Variants in CTNNA3 observed in about 807,000 individuals in gnomAD.
CTNNA3 encodes catenin alpha 3.
CTNNA3 carries 76 observed loss-of-function variants against 95.7 expected under a neutral mutation model. The observed-to-expected ratio is 0.79, with a 90% CI of 0.66 to 0.96. The LOEUF (loss-of-function observed/expected upper bound fraction) is 0.96, where lower values mean the gene tolerates loss of function less well. CTNNA3 is among the 40% of genes least tolerant of loss of function. CTNNA3 has a pLI of 0.00. For synonymous variants in CTNNA3, 431 were observed against 374.4 expected (o/e 1.15, Z -1.74); for missense variants, 1,191 against 1,089.8 (o/e 1.09, Z -1.31).
intron 1 of CTNNA3, among the ~76,000 whole-genome samples, chr10:67,746,918 G>A (rs1485862253): frequency 6.6e-6 from 1 of 152,230 alleles, no homozygotes; most frequent in Non-Finnish European, 1.5e-5. Context: ...CACTGCAGCT[G>A]CAGAGCACCA....
chr10:65,946,216 G>T (rs1038796139), intron 17 of CTNNA3, among the ~76,000 whole-genome samples: 4 of 152,016 alleles, frequency 2.6e-5, no homozygotes, highest in Non-Finnish European at 4.4e-5. Flanking sequence ...TAAATATTTA[G>T]AACAGTGCCT....
chr10:66,363,106 T>C (rs2092688236), intron 12 of CTNNA3, among the ~76,000 whole-genome samples: 2 of 152,232 alleles, frequency 1.3e-5, no homozygotes, highest in Non-Finnish European at 2.9e-5. Context: ...AACAACAGAA[T>C]GAAGCTGCTA....
chr10:67,362,143 A>G (rs1194105966), intron 5 of CTNNA3, among the ~76,000 whole-genome samples: 1 of 152,142 alleles, frequency 6.6e-6, no homozygotes, highest in Non-Finnish European at 1.5e-5. Context: ...CTACCAACCA[A>G]TAAAAGCCCT....
rs779981893 is a variant in CTNNA3, at chr10:65,920,540, G to A, written c.2478C>T (p.Tyr826=). 43 of 1,614,042 alleles carry A rather than the reference G, an allele frequency of 2.7e-5. No individual in the cohort carries two copies. In the Middle Eastern group the frequency reaches 4.9e-4, roughly 19 times the overall value. The part of the protein sequence containing the change: ...NAVVQTVKMS[Y]IASTKIIRIQ... Reference sequence around the variant, plus strand: ...TTCGGATGATCTTGGTTGAGGCAATGTAAGACATTTTCACTGTTTGCACTA... The same window carrying A: ...TTCGGATGATCTTGGTTGAGGCAATATAAGACATTTTCACTGTTTGCACTA... Residue 826 remains tyrosine, a synonymous_variant, in exon 18 of 18, where the codon TAC becomes TAT. Coordinates refer to ENST00000433211, the MANE Select transcript of CTNNA3 (RefSeq NM_013266.4).
rs555002632 is a variant in CTNNA3, at chr10:67,644,581, C to A, written c.99+2834G>T. On this transcript the variant is annotated intron_variant, in intron 2 of 17. Transcript: ENST00000433211. Reference sequence around the variant, plus strand: ...GATCAAAGTGACAGATACAAGAAGGCTGAACATCAAATCCAGAAAGATCAG... The same window carrying A: ...GATCAAAGTGACAGATACAAGAAGGATGAACATCAAATCCAGAAAGATCAG... 4.0e-4 allele frequency among the ~76,000 whole-genome samples: 61 copies of A among 151,760 alleles called. 2 individuals carry two copies. In the South Asian group the frequency reaches 0.012, roughly 29 times the overall value.
At chr10:66,229,417 T>C (rs1268426124) in intron 13 of CTNNA3, among the ~76,000 whole-genome samples, 1 of 152,202 alleles carries the variant, frequency 6.6e-6, no homozygotes, top group Non-Finnish European at 1.5e-5. Context: ...CTCGTGGTGA[T>C]GAATTTTCTT....
chr10:66,921,224 A>G (rs1846769581), intron 7 of CTNNA3, among the ~76,000 whole-genome samples: 1 of 152,110 alleles, frequency 6.6e-6, no homozygotes, highest in African/African-American at 2.4e-5. Context: ...TTTTATCCTT[A>G]TAATCCCACT....
intron 7 of CTNNA3, among the ~76,000 whole-genome samples, chr10:66,924,147 G>A (rs1274527511): frequency 6.6e-6 from 1 of 152,168 alleles, no homozygotes; most frequent in East Asian, 1.9e-4. Context: ...GGATTGGGCA[G>A]TCTATCTTTT....
intron 5 of CTNNA3, among the ~76,000 whole-genome samples, chr10:67,399,281 T>C (rs1589253485): frequency 2.0e-5 from 3 of 152,178 alleles, no homozygotes; most frequent in African/African-American, 7.2e-5. Flanking sequence ...AACGAATTTG[T>C]TAGAGTGACA....
chr10:67,503,618 G>A (rs993571003), intron 5 of CTNNA3, among the ~76,000 whole-genome samples: 1 of 152,074 alleles, frequency 6.6e-6, no homozygotes. Flanking sequence ...TACTATAAGA[G>A]CTTGATCTTA....
intron 7 of CTNNA3, among the ~76,000 whole-genome samples, chr10:67,064,886 T>C (rs1855977394): frequency 1.3e-5 from 2 of 152,204 alleles, no homozygotes; most frequent in Admixed American, 1.3e-4. Flanking sequence ...CAGGTACCTT[T>C]AAGCTAGTTC....
At chr10:67,274,081 T>C (rs906438836) in intron 5 of CTNNA3, among the ~76,000 whole-genome samples, 1 of 152,164 alleles carries the variant, frequency 6.6e-6, no homozygotes, top group Middle Eastern at 3.2e-3. Context: ...GGAAAATAAC[T>C]ATAAATTAAA....
intron 7 of CTNNA3, among the ~76,000 whole-genome samples, chr10:66,781,894 T>C (rs1840549933): frequency 6.6e-6 from 1 of 152,180 alleles, no homozygotes; most frequent in African/African-American, 2.4e-5. Flanking sequence ...TAAATTTAAA[T>C]GTCCTGCCTC....
At chr10:66,746,930 C>T (rs72802605) in intron 9 of CTNNA3, among the ~76,000 whole-genome samples, 14,395 of 151,516 alleles carry the variant, frequency 0.095, 856 homozygotes, top group East Asian at 0.23. Flanking sequence ...CATGGAACTG[C>T]GATTAGTAAT....
At chr10:67,293,086 T>C (rs999587150) in intron 5 of CTNNA3, among the ~76,000 whole-genome samples, 4 of 152,186 alleles carry the variant, frequency 2.6e-5, no homozygotes, top group Non-Finnish European at 5.9e-5. Context: ...AAAGAAGTTA[T>C]AAATACTACC....
intron 13 of CTNNA3, among the ~76,000 whole-genome samples, chr10:66,144,358 T>G (rs2083766192): frequency 6.6e-6 from 1 of 152,216 alleles, no homozygotes; most frequent in African/African-American, 2.4e-5. Flanking sequence ...TTTTATCTTT[T>G]TATCAAACTT....
intron 9 of CTNNA3, among the ~76,000 whole-genome samples, chr10:66,627,814 C>G (rs1352119763): frequency 6.6e-6 from 1 of 152,126 alleles, no homozygotes; most frequent in East Asian, 1.9e-4. Flanking sequence ...TGTTACATAT[C>G]AGGTACAAGA....
intron 11 of CTNNA3, among the ~76,000 whole-genome samples, chr10:66,449,488 T>C (rs775440190): frequency 7.9e-5 from 12 of 152,188 alleles, no homozygotes; most frequent in Non-Finnish European, 1.3e-4. Context: ...ATTTTTGGCA[T>C]TTCAATACTT....
At chr10:67,129,740 T>C (rs1385282332) in intron 7 of CTNNA3, among the ~76,000 whole-genome samples, 2 of 152,150 alleles carry the variant, frequency 1.3e-5, no homozygotes, top group Non-Finnish European at 2.9e-5. Context: ...GTGAAGTCTT[T>C]CAGTATTTTA....
Sources: allele counts gnomAD v4.1 joint callset (sites outside exome capture counted in the v4.1 genomes callset), GRCh38; gene constraint gnomAD v4.1.1; transcripts MANE v1.5; gene names NCBI Gene and HGNC (gene_info 2026-07-23, HGNC 2026-07-21).